ZBTB7C: variants seen among roughly 807,000 people sequenced by gnomAD.
ZBTB7C encodes the protein zinc finger and BTB domain-containing protein 7C.
In ZBTB7C, 8 loss-of-function variants were observed where a neutral mutation model predicts 25.7. The observed-to-expected ratio is 0.31, with a 90% CI of 0.18 to 0.56. The LOEUF (loss-of-function observed/expected upper bound fraction) is 0.56, where lower values mean the gene tolerates loss of function less well. Among genes scored for constraint, ZBTB7C ranks in the 20% least tolerant of loss-of-function variants. ZBTB7C has a pLI of 0.91. For synonymous variants in ZBTB7C, 394 were observed against 369.0 expected (o/e 1.07, Z -0.78); for missense variants, 824 against 855.2 (o/e 0.96, Z 0.46).
At chr18:48,199,762 T>C (rs1350723510) in intron 2 of ZBTB7C, among the ~76,000 whole-genome samples, 7 of 152,146 alleles carry the variant, frequency 4.6e-5, no homozygotes, top group Non-Finnish European at 8.8e-5. Context: ...CATTTATAGT[T>C]AAGAGTAAGA....
chr18:48,211,537 C>T (rs2042702088), intron 2 of ZBTB7C, among the ~76,000 whole-genome samples: 1 of 152,150 alleles, frequency 6.6e-6, no homozygotes, highest in South Asian at 2.1e-4. Flanking sequence ...TGAACAGACA[C>T]CTCACCAAAG....
At chr18:48,037,984 C>T (rs1418180740) in intron 4 of ZBTB7C, among the ~76,000 whole-genome samples, 1 of 152,174 alleles carries the variant, frequency 6.6e-6, no homozygotes, top group African/African-American at 2.4e-5. Flanking sequence ...TGGCTTATCT[C>T]CCTCGGTATT....
At chr18:48,150,405 A>C (rs894699431) in intron 3 of ZBTB7C, 2 of 152,152 alleles carry the variant, frequency 1.3e-5, no homozygotes, top group Non-Finnish European at 2.9e-5. Context: ...AACATGGCAA[A>C]ACTCTGTCTC....
At chr18:48,052,997 G>A (rs1246393530) in intron 3 of ZBTB7C, among the ~76,000 whole-genome samples, 2 of 152,086 alleles carry the variant, frequency 1.3e-5, no homozygotes, top group Non-Finnish European at 2.9e-5. Context: ...AGTTCTCTCT[G>A]GGACCCTGCC....
At chr18:48,317,666 A>T (rs2045981256) in intron 2 of ZBTB7C, among the ~76,000 whole-genome samples, 1 of 152,190 alleles carries the variant, frequency 6.6e-6, no homozygotes, top group African/African-American at 2.4e-5. Flanking sequence ...ACCTCACAGC[A>T]GCCTCGATGT....
intron 3 of ZBTB7C, among the ~76,000 whole-genome samples, chr18:48,112,746 A>G (rs1274230941): frequency 6.6e-6 from 1 of 152,220 alleles, no homozygotes; most frequent in Non-Finnish European, 1.5e-5. Context: ...CGGTAAATCC[A>G]TGGGCTATGT....
intron 3 of ZBTB7C, among the ~76,000 whole-genome samples, chr18:48,150,222 C>A (rs2040632340): frequency 6.6e-6 from 1 of 152,182 alleles, no homozygotes; most frequent in Non-Finnish European, 1.5e-5. Flanking sequence ...CATTCACTGC[C>A]TGTAAAAGTC....
intron 3 of ZBTB7C, among the ~76,000 whole-genome samples, chr18:48,140,870 C>A (rs2040320737): frequency 6.6e-6 from 1 of 152,146 alleles, no homozygotes; most frequent in South Asian, 2.1e-4. Flanking sequence ...CCTCTTCCTG[C>A]CACCTCTGCC....
intron 3 of ZBTB7C, among the ~76,000 whole-genome samples, chr18:48,105,414 G>A (rs1053263372): frequency 6.6e-6 from 1 of 152,194 alleles, no homozygotes; most frequent in South Asian, 2.1e-4. Context: ...TTGCACCTCA[G>A]GTGCAATAAT....
At chr18:48,197,737 C>G (rs1052639139) in intron 2 of ZBTB7C, among the ~76,000 whole-genome samples, 5 of 152,168 alleles carry the variant, frequency 3.3e-5, no homozygotes, top group Admixed American at 6.5e-5. Flanking sequence ...GTTAGATGGA[C>G]ACTCATCCCA....
intron 3 of ZBTB7C, among the ~76,000 whole-genome samples, chr18:48,180,103 CTTCCTTCCT>C (rs1453829515): frequency 8.7e-5 from 11 of 126,340 alleles, no homozygotes; most frequent in African/African-American, 3.2e-4. Context: ...CCTTCCTTTC[CTTCCTTCCT>C]TTCCTTCCTT....
At chr18:48,201,441 T>C (rs1304747039) in intron 2 of ZBTB7C, among the ~76,000 whole-genome samples, 2 of 152,116 alleles carry the variant, frequency 1.3e-5, no homozygotes, top group East Asian at 3.9e-4. Context: ...TGTGATGACA[T>C]CACCCCTGGC....
rs147357595 is a variant in ZBTB7C, at chr18:48,228,823, G to A, written c.-78-42828C>T. On this transcript the variant is annotated intron_variant, in intron 2 of 4. Transcript: ENST00000590800. Reference sequence around the variant, plus strand: ...TGAACACACCCCCATGCACCCTTACGCCCCCACTTGTGCAGGTGTGCACAC... The same window carrying A: ...TGAACACACCCCCATGCACCCTTACACCCCCACTTGTGCAGGTGTGCACAC... Among the ~76,000 whole-genome samples, 135 of 147,650 alleles carry A rather than the reference G, an allele frequency of 9.1e-4. 1 individual carries two copies. The highest frequency in any genetic ancestry group is 2.5e-3 in the Admixed American group (37 of 14,846).
At chr18:48,224,335 G>A (rs2043035817) in intron 2 of ZBTB7C, among the ~76,000 whole-genome samples, 1 of 152,200 alleles carries the variant, frequency 6.6e-6, no homozygotes, top group South Asian at 2.1e-4. Flanking sequence ...CACAAGATCT[G>A]ATTCATAACA....
intron 2 of ZBTB7C, among the ~76,000 whole-genome samples, chr18:48,301,924 G>C (rs2045554222): frequency 6.6e-6 from 1 of 152,180 alleles, no homozygotes; most frequent in African/African-American, 2.4e-5. Context: ...CGCTCTGATG[G>C]ACAGACCTCA....
At chr18:48,127,431 T>A (rs145385631) in intron 3 of ZBTB7C, among the ~76,000 whole-genome samples, 36 of 152,348 alleles carry the variant, frequency 2.4e-4, no homozygotes, top group African/African-American at 8.4e-4. Flanking sequence ...TTAGTTCTGG[T>A]CTTACCTGGC....
chr18:48,137,883 C>T (rs2040224610), intron 3 of ZBTB7C, among the ~76,000 whole-genome samples: 1 of 152,276 alleles, frequency 6.6e-6, no homozygotes, highest in East Asian at 1.9e-4. Flanking sequence ...CCAGGCCTTT[C>T]CTTCAAACCT....
intron 2 of ZBTB7C, among the ~76,000 whole-genome samples, chr18:48,286,233 CGTGT>C (rs59121430): frequency 0.056 from 8,139 of 145,522 alleles, 292 homozygotes; most frequent in Non-Finnish European, 0.077. Flanking sequence ...AAGAGGTGTG[CGTGT>C]GTGTGTGTGT....
chr18:48,095,194 G>A (rs540944927), intron 3 of ZBTB7C, among the ~76,000 whole-genome samples: 17 of 152,240 alleles, frequency 1.1e-4, no homozygotes, highest in Middle Eastern at 6.8e-3. Context: ...GAAAAATAAG[G>A]AGTCCTTGGA....
Sources: gnomAD v4.1 joint callset for allele counts (sites outside exome capture counted in the v4.1 genomes callset) on GRCh38, gnomAD v4.1.1 for gene constraint, MANE v1.5 for transcripts, NCBI Gene and HGNC (gene_info 2026-07-23, HGNC 2026-07-21) for gene names.